Variants in SMIM36 observed in about 807,000 individuals in gnomAD.
SMIM36 encodes the protein small integral membrane protein 36.
intron 1 of SMIM36, among the ~76,000 whole-genome samples, chr17:55,487,289 C>T (rs896420281): frequency 2.0e-5 from 3 of 152,140 alleles, no homozygotes; most frequent in Admixed American, 2.0e-4. Context: ...CAACATGTCA[C>T]ATGTATACCT....
At chr17:55,492,593 A>G (rs1472820225) in intron 1 of SMIM36, among the ~76,000 whole-genome samples, 1 of 151,214 alleles carries the variant, frequency 6.6e-6, no homozygotes, top group Non-Finnish European at 1.5e-5. Flanking sequence ...GCTGTTAGTC[A>G]TAGCTGAGCA....
chr17:55,463,724 C>T (rs1367796201), intron 4 of SMIM36, among the ~76,000 whole-genome samples: 1 of 151,994 alleles, frequency 6.6e-6, no homozygotes, highest in Non-Finnish European at 1.5e-5. Flanking sequence ...AAGTGCTCTG[C>T]ATTCAGAAAC....
chr17:55,480,739 T>C (rs1368712033), intron 1 of SMIM36, among the ~76,000 whole-genome samples: 1 of 152,204 alleles, frequency 6.6e-6, no homozygotes, highest in Admixed American at 6.5e-5. Context: ...AGTTTCCCCA[T>C]AGGAGCTTGG....
chr17:55,502,154 C>G (rs1363322243), intron 1 of SMIM36, among the ~76,000 whole-genome samples: 1 of 149,766 alleles, frequency 6.7e-6, no homozygotes, highest in Non-Finnish European at 1.5e-5. Flanking sequence ...GGGAGGGGCG[C>G]CCGCCATTGC....
At chr17:55,509,987 G>A (rs1162809029) in intron 1 of SMIM36, among the ~76,000 whole-genome samples, 1 of 152,026 alleles carries the variant, frequency 6.6e-6, no homozygotes, top group African/African-American at 2.4e-5. Context: ...TTTTTTATGA[G>A]GCATATGGAA....
chr17:55,502,332 G>C (rs2144719395), intron 1 of SMIM36, among the ~76,000 whole-genome samples: 1 of 118,504 alleles, frequency 8.4e-6, no homozygotes, highest in Non-Finnish European at 1.7e-5. Flanking sequence ...CTGTCTGACA[G>C]CTTTGAAGGG....
intron 1 of SMIM36, among the ~76,000 whole-genome samples, chr17:55,500,155 C>T (rs942146128): frequency 6.6e-6 from 1 of 151,816 alleles, no homozygotes; most frequent in Non-Finnish European, 1.5e-5. Flanking sequence ...GGGCCGTGCT[C>T]TGTTACCCAG....
chr17:55,513,923 G>A (rs761008510), upstream of SMIM36, among the ~76,000 whole-genome samples: 3 of 152,072 alleles, frequency 2.0e-5, no homozygotes, highest in Admixed American at 6.6e-5. Context: ...GCTGATACCC[G>A]TGGTGTCCCG....
At chr17:55,456,116 CAAAAAAAAAA>C (rs10546288) in intron 4 of SMIM36, among the ~76,000 whole-genome samples, 14 of 39,532 alleles carry the variant, frequency 3.5e-4, no homozygotes, top group African/African-American at 7.9e-4. Context: ...AAAACTGTCT[CAAAAAAAAAA>C]AAAAAAAAAA....
At chr17:55,492,447 T>C (rs1909729698) in intron 1 of SMIM36, among the ~76,000 whole-genome samples, 1 of 151,652 alleles carries the variant, frequency 6.6e-6, no homozygotes. Context: ...GGTTTCACCA[T>C]GTTGGCCAGG....
At chr17:55,530,713 G>A in the SMIM36 span, among the ~76,000 whole-genome samples, 20 of 152,238 alleles carry the variant, frequency 1.3e-4, no homozygotes, top group African/African-American at 4.8e-4. Flanking sequence ...AACCCAGGAG[G>A]CAGAGGGTGT....
intron 1 of SMIM36, among the ~76,000 whole-genome samples, chr17:55,497,705 G>A (rs550052480): frequency 3.9e-5 from 6 of 152,140 alleles, no homozygotes; most frequent in South Asian, 2.1e-4. Flanking sequence ...TAAAACAAAC[G>A]AACAAACAAG....
chr17:55,451,828 G>A (rs1395674523), intron 4 of SMIM36, among the ~76,000 whole-genome samples: 2 of 152,234 alleles, frequency 1.3e-5, no homozygotes, highest in East Asian at 3.9e-4. Context: ...TGTATGCAGG[G>A]GCTGATGCCT....
upstream of SMIM36, among the ~76,000 whole-genome samples, chr17:55,511,871 C>T (rs1173678348): frequency 6.6e-6 from 1 of 152,186 alleles, no homozygotes; most frequent in African/African-American, 2.4e-5. Context: ...TATTTTCACC[C>T]TTTCTTCATT....
intron 1 of SMIM36, among the ~76,000 whole-genome samples, chr17:55,485,251 TAATC>T (rs1379295428): frequency 6.6e-6 from 1 of 152,188 alleles, no homozygotes; most frequent in Non-Finnish European, 1.5e-5. Context: ...AAAATATTCA[TAATC>T]AAAATAAAAA....
chr17:55,519,143 G>A, the SMIM36 span, among the ~76,000 whole-genome samples: 1 of 152,160 alleles, frequency 6.6e-6, no homozygotes, highest in Admixed American at 6.5e-5. Context: ...AAGTAGGGTA[G>A]GAGTGCTGGG....
upstream of SMIM36, among the ~76,000 whole-genome samples, chr17:55,514,928 G>A (rs17819314): frequency 0.44 from 66,827 of 151,782 alleles, 15,446 homozygotes; most frequent in Non-Finnish European, 0.51. Context: ...CAACTTCAGA[G>A]GTAAAAATGT....
chr17:55,496,093 A>T (rs1405799419), intron 1 of SMIM36, among the ~76,000 whole-genome samples: 1 of 152,192 alleles, frequency 6.6e-6, no homozygotes, highest in East Asian at 1.9e-4. Context: ...ACATTTCCTT[A>T]TAAGAATGTC....
At chr17:55,486,687 C>A (rs1395970176) in intron 1 of SMIM36, among the ~76,000 whole-genome samples, 1 of 152,152 alleles carries the variant, frequency 6.6e-6, no homozygotes, top group Non-Finnish European at 1.5e-5. Context: ...TCGTGCCCTA[C>A]CTTATATTCT....
Sources: allele counts gnomAD v4.1 joint callset (sites outside exome capture counted in the v4.1 genomes callset), GRCh38; gene constraint gnomAD v4.1.1; transcripts MANE v1.5; gene names NCBI Gene and HGNC (gene_info 2026-07-23, HGNC 2026-07-21).